The following FAM20A variants were observed in gnomAD, a reference collection of about 807,000 sequenced individuals.
FAM20A encodes pseudokinase FAM20A.
A neutral mutation model predicts 52.0 loss-of-function variants in FAM20A; 42 were observed. That is an observed-to-expected ratio of 0.81 (90% CI 0.63 to 1.04). The LOEUF is 1.04. FAM20A is among the 50% of genes least tolerant of loss of function. FAM20A has a pLI of 0.00. For missense variants in FAM20A, 742 were observed against 712.7 expected (o/e 1.04, Z -0.47); for synonymous variants, 304 against 298.9 (o/e 1.02, Z -0.18).
At chr17:68,575,505 AT>A in intron 1 of FAM20A, among the ~76,000 whole-genome samples, 1 of 111,940 alleles carries the variant, frequency 8.9e-6, no homozygotes, top group African/African-American at 3.7e-5. Context: ...GATATTAGAT[AT>A]TATATATTTT....
At chr17:68,539,838 A>C (rs1336245018) in intron 9 of FAM20A, 47 bp downstream of exon 9, 2 of 1,579,844 alleles carry the variant, frequency 1.3e-6, no homozygotes, top group African/African-American at 2.7e-5. Flanking sequence ...TGCACAGAGC[A>C]GCACATCTGG....
Position 68,543,661 on chromosome 17 carries a change from G to T in FAM20A, c.780C>A (p.His260Gln). Residue 260 changes from histidine (H) to glutamine (Q), a missense_variant, in exon 5 of 11, where the codon CAC becomes CAA. Transcript: ENST00000592554. ...DFFYFIDFQR[H>Q]NAEIAAFHLD... ...GATGGAAAGCTGCGATCTCAGCATT[G>T]TGTCTCTGAAAGTCAATGAAGTAGA... 1.2e-6 allele frequency: 2 copies of T among 1,614,158 alleles called. No individual in the cohort carries two copies. The highest frequency in any genetic ancestry group is 1.7e-6 in the Non-Finnish European group (2 of 1,180,018).
chr17:68,549,252 T>G (rs866691099), intron 4 of FAM20A, among the ~76,000 whole-genome samples: 20 of 152,192 alleles, frequency 1.3e-4, no homozygotes, highest in Admixed American at 2.6e-4. Flanking sequence ...CCCAGCACAT[T>G]GGGAGGCCAA....
At chr17:68,547,546 T>A (rs907932731) in intron 4 of FAM20A, among the ~76,000 whole-genome samples, 2 of 152,242 alleles carry the variant, frequency 1.3e-5, no homozygotes, top group African/African-American at 4.8e-5. Context: ...ACTTACTGCT[T>A]CACCTTGTAC....
chr17:68,561,586 T>C (rs1399847637), intron 1 of FAM20A, among the ~76,000 whole-genome samples: 5 of 141,704 alleles, frequency 3.5e-5, no homozygotes, highest in African/African-American at 1.3e-4. Flanking sequence ...GTCTTTTTGA[T>C]TGCTCTTTTT....
chr17:68,540,932 T>G lies in FAM20A; in HGVS notation c.1136A>C (p.Asp379Ala), dbSNP rs1196020646. ...EEWEVNPLYC[D>A]TVKQIYPYNN... Reference sequence around the variant, plus strand: ...GTACGGGTAGATCTGTTTCACTGTGTCACAGTAAAGGGGATTGACCTCCCA... The same window carrying G: ...GTACGGGTAGATCTGTTTCACTGTGGCACAGTAAAGGGGATTGACCTCCCA... Residue 379 changes from aspartate to alanine, a missense_variant, in exon 8 of 11, where the codon GAC becomes GCC. Transcript: ENST00000592554. 2 of 1,597,888 alleles carry G rather than the reference T, an allele frequency of 1.3e-6. No individual in the cohort carries two copies. Among genetic ancestry groups the G allele is most frequent in the Non-Finnish European group, 1.7e-6 (2 of 1,171,498 alleles).
rs140826631 is a variant in FAM20A at position 68,536,272 on chromosome 17, T to G, written c.*1205A>C. 487 of 454,152 alleles carry G rather than the reference T, an allele frequency of 1.1e-3. 2 individuals carry two copies. Among genetic ancestry groups the G allele is most frequent in the African/African-American group, 8.8e-3 (441 of 50,128 alleles). The allele number at this position is 454,152 out of a possible 1,614,324, so 28.1% of individuals were successfully genotyped here. ...CTTACAGTATTTGAACTCTGGCCTT[T>G]ACTGGAAAAGTTGATTTGATGAAAT... is the stretch of plus-strand genomic sequence containing the variant. On this transcript the variant is annotated 3_prime_UTR_variant, in exon 11 of 11. Coordinates refer to ENST00000592554, the MANE Select transcript of FAM20A (RefSeq NM_017565.4).
chr17:68,539,538 C>T, intron 9 of FAM20A, 142 bp from the exon 10 acceptor site: 1 of 763,294 alleles, frequency 1.3e-6, no homozygotes, highest in South Asian at 1.5e-5. Context: ...TCCAGCCCCT[C>T]TCCCCAGTCA....
chr17:68,545,889 G>A (rs995131357), intron 4 of FAM20A, among the ~76,000 whole-genome samples: 2 of 152,164 alleles, frequency 1.3e-5, no homozygotes, highest in Non-Finnish European at 2.9e-5. Context: ...CTCCTTATTG[G>A]TCGGGTGCGG....
intron 1 of FAM20A, among the ~76,000 whole-genome samples, chr17:68,559,593 A>T (rs920185516): frequency 6.6e-6 from 1 of 152,224 alleles, no homozygotes; most frequent in Admixed American, 6.5e-5. Flanking sequence ...CCTAAAAAGA[A>T]GAGTATTTCT....
chr17:68,541,027 C>T (rs2086265511), intron 7 of FAM20A, 69 bp from the exon 8 acceptor site: 1 of 1,546,518 alleles, frequency 6.5e-7, no homozygotes, highest in Non-Finnish European at 8.7e-7. Flanking sequence ...CTCCCCACAC[C>T]TCCCCCTGCC....
chr17:68,548,755 CAG>C (rs998200873), intron 4 of FAM20A, among the ~76,000 whole-genome samples: 2 of 97,482 alleles, frequency 2.1e-5, no homozygotes, highest in African/African-American at 8.3e-5. Flanking sequence ...TTTTTTGAGA[CAG>C]AATCTCCCTC....
intron 1 of FAM20A, among the ~76,000 whole-genome samples, chr17:68,573,486 TTTCC>T (rs2087630591): frequency 1.3e-5 from 2 of 151,180 alleles, no homozygotes; most frequent in Non-Finnish European, 3.0e-5. Flanking sequence ...TCTTTCTTTC[TTTCC>T]TTTCTTTCTC....
chr17:68,546,790 A>C (rs1454187748), intron 4 of FAM20A, among the ~76,000 whole-genome samples: 1 of 148,180 alleles, frequency 6.7e-6, no homozygotes, highest in Non-Finnish European at 1.5e-5. Context: ...AGATTGAGCC[A>C]CTGGACTCCA....
In FAM20A at chr17:68,600,179, G is replaced by T; in HGVS notation, c.404+84C>A. 2.0e-6 allele frequency: 3 copies of T among 1,469,230 alleles called. No individual in the cohort carries two copies. The highest frequency in any genetic ancestry group is 2.7e-6 in the Non-Finnish European group (3 of 1,094,820). The allele number at this position is 1,469,230 out of a possible 1,614,324, so 91.0% of individuals were successfully genotyped here. On this transcript the variant is annotated intron_variant, in intron 1 of 10. Coordinates refer to ENST00000592554, the MANE Select transcript of FAM20A (RefSeq NM_017565.4). The surrounding 1 kb of genome is among the most constrained non-coding windows in gnomAD (Gnocchi z 6.2). ...GTGGAGCCGCTGCAGCCCTGGGCCG[G>T]GGGCGTCAGGAAACTCGAGACTGGG...
Position 68,555,545 on chromosome 17 carries a change from C to T in FAM20A, c.589+14G>A. 1 of 1,612,350 alleles carries T rather than the reference C, an allele frequency of 6.2e-7. No homozygotes were observed. The highest frequency in any genetic ancestry group is 8.5e-7 in the Non-Finnish European group (1 of 1,179,988). On this transcript the variant is annotated intron_variant, in intron 2 of 10. Transcript: ENST00000592554. Reference sequence around the variant, plus strand: ...GAAAGTCAGTCCCCCCTTGCTTGATCCCATGAACCTTACCAGCACTGATGG... The same window carrying T: ...GAAAGTCAGTCCCCCCTTGCTTGATTCCATGAACCTTACCAGCACTGATGG...
intron 1 of FAM20A, among the ~76,000 whole-genome samples, chr17:68,585,412 A>G (rs1404427248): frequency 6.6e-6 from 1 of 151,672 alleles, no homozygotes; most frequent in Non-Finnish European, 1.5e-5. Flanking sequence ...GTGCAAACAC[A>G]TTCTTTTTTG....
At chr17:68,587,329 T>C (rs1438531772) in intron 1 of FAM20A, among the ~76,000 whole-genome samples, 1 of 152,222 alleles carries the variant, frequency 6.6e-6, no homozygotes, top group Non-Finnish European at 1.5e-5. Flanking sequence ...CTTGATGATA[T>C]ATCTAATTTT....
At chr17:68,554,057 C>CACATACAT (rs2086977628) in intron 3 of FAM20A, among the ~76,000 whole-genome samples, 1 of 131,518 alleles carries the variant, frequency 7.6e-6, no homozygotes, top group Admixed American at 7.3e-5. Context: ...CACATATACA[C>CACATACAT]ATATACACAC....
Sources: gnomAD v4.1 joint callset for allele counts (sites outside exome capture counted in the v4.1 genomes callset) on GRCh38, gnomAD v4.1.1 for gene constraint, Gnocchi (gnomAD v3.1) non-coding constraint, MANE v1.5 for transcripts, NCBI Gene and HGNC (gene_info 2026-07-23, HGNC 2026-07-21) for gene names.